PCDHGA5: variants seen among roughly 807,000 people sequenced by gnomAD.
The protein encoded by PCDHGA5 is protocadherin gamma subfamily A, 5, also known as protocadherin gamma-A5.
In PCDHGA5, 36 loss-of-function variants were observed where a neutral mutation model predicts 56.7. The observed-to-expected ratio is 0.64, with a 90% CI of 0.49 to 0.84. PCDHGA5 has a LOEUF of 0.84. Ranked by LOEUF, PCDHGA5 falls within the 40% of genes least tolerant of loss-of-function variation. PCDHGA5 has a pLI of 0.00. For missense variants in PCDHGA5, 1,305 were observed against 1,201.5 expected (o/e 1.09, Z -1.27); for synonymous variants, 563 against 520.2 (o/e 1.08, Z -1.12).
chr5:141,474,993 C>A (rs1313232385), intron 1 of PCDHGA5, among the ~76,000 whole-genome samples: 24 of 152,324 alleles, frequency 1.6e-4, no homozygotes. Context: ...GACAACAATT[C>A]TAAATGCAGA....
chr5:141,427,361 A>ACC (rs781206288), intron 1 of PCDHGA5: 1 of 457,772 alleles, frequency 2.2e-6, no homozygotes, highest in South Asian at 1.5e-5. Context: ...AGGACGCAGA[A>ACC]CCCTGGACGG....
chr5:141,395,016 G>A (rs772379480), intron 1 of PCDHGA5: 2 of 1,614,068 alleles, frequency 1.2e-6, no homozygotes, highest in Non-Finnish European at 1.7e-6. Flanking sequence ...ATTGGTAGGC[G>A]TGCCTGCCTC....
At position 141,365,365 on chromosome 5, in the gene PCDHGA5, C is replaced by A. The variant is rs761258930; in HGVS notation, c.1035C>A (p.Pro345=). The part of the protein sequence containing the change: ...VTVQDVNDNA[P]EVILTSLTSS... Reference sequence around the variant, plus strand: ...TACAGGACGTGAATGACAATGCCCCCGAAGTGATCCTCACCTCTCTGACCA... The same window carrying A: ...TACAGGACGTGAATGACAATGCCCCAGAAGTGATCCTCACCTCTCTGACCA... Residue 345 remains proline, a synonymous_variant, in exon 1 of 4, where the codon CCC becomes CCA. Coordinates refer to ENST00000518069, the MANE Select transcript of PCDHGA5 (RefSeq NM_018918.3). 6.2e-7 allele frequency: 1 copy of A among 1,613,928 alleles called. No individual in the cohort carries two copies.
chr5:141,438,638 A>G (rs1192725978), intron 1 of PCDHGA5, among the ~76,000 whole-genome samples: 1 of 22,806 alleles, frequency 4.4e-5, no homozygotes, highest in East Asian at 1.6e-3. Flanking sequence ...ATATATATAC[A>G]CACACACACA....
chr5:141,431,547 T>TA lies in PCDHGA5; in HGVS notation c.2422-63259dup. On this transcript the variant is annotated intron_variant, in intron 1 of 3. Transcript: ENST00000518069. The surrounding 1 kb of genome is among the most constrained non-coding windows in gnomAD (Gnocchi z 4.8). ...CTGGCCTTGGGCACGCAGCTGCTTG[T>TA]AGTCAACGCTACCGACCCTGACGAA... 6.2e-7 allele frequency: 1 copy of TA among 1,614,096 alleles called. No individual in the cohort carries two copies. The highest frequency in any genetic ancestry group is 8.5e-7 in the Non-Finnish European group (1 of 1,180,022).
Position 141,412,876 on chromosome 5 carries a change from A to G in PCDHGA5, c.2421+46125A>G, listed in dbSNP as rs1206092699. 12 of 281,096 alleles carry G rather than the reference A, an allele frequency of 4.3e-5. No homozygotes were observed. The East Asian group carries it at 7.9e-4, about 19-fold the overall frequency. The allele number at this position is 281,096 out of a possible 1,614,324, so 17.4% of individuals were successfully genotyped here. A position where few individuals can be genotyped will look rare whatever the true frequency, so the allele number is the denominator to read the frequency against. On this transcript the variant is annotated intron_variant, in intron 1 of 3. Coordinates refer to ENST00000518069, the MANE Select transcript of PCDHGA5 (RefSeq NM_018918.3). ...CAAAGAATCTATGTAAAATATAATAATCCAACAGAATAGTTTACTTTCCAT... is the reference window on the plus strand; with the variant it reads ...CAAAGAATCTATGTAAAATATAATAGTCCAACAGAATAGTTTACTTTCCAT...
chr5:141,414,942 C>T, intron 1 of PCDHGA5: 3 of 1,614,126 alleles, frequency 1.9e-6, no homozygotes, highest in Non-Finnish European at 1.7e-6. Context: ...CAGAGCCCGG[C>T]TACCTGGTGA....
In PCDHGA5 at chr5:141,486,444, T is replaced by C. The variant is rs769032995; in HGVS notation, c.2422-8363T>C. 2 of 1,614,086 alleles carry C rather than the reference T, an allele frequency of 1.2e-6. No individual in the cohort carries two copies. On this transcript the variant is annotated intron_variant, in intron 1 of 3. Transcript: ENST00000518069. This position sits in a 1 kb window ranked among gnomAD's most constrained non-coding sequence, Gnocchi z 5.0. ...GAGGCCAAATCTAGCTATGACATCA[T>C]GGTCACTGCTTCTGATGCTGGGAAC...
intron 1 of PCDHGA5, chr5:141,471,252 T>A (rs1003162914): frequency 6.6e-6 from 1 of 151,872 alleles, no homozygotes; most frequent in Admixed American, 6.6e-5. Flanking sequence ...GGTTTCACCA[T>A]GTTGGCAAGG....
intron 1 of PCDHGA5, chr5:141,420,067 A>C (rs2096463342): frequency 6.2e-7 from 1 of 1,614,034 alleles, no homozygotes; most frequent in Non-Finnish European, 8.5e-7. Flanking sequence ...CCAAGTCCGG[A>C]CCTGTGGGTC....
In PCDHGA5 at chr5:141,494,832, G is replaced by A. The variant is rs758427900; in HGVS notation, c.2447G>A (p.Arg816His). The A allele has an allele frequency of 1.2e-6, 2 of 1,614,066 alleles. No homozygotes were observed. Among genetic ancestry groups the A allele is most frequent in the Non-Finnish European group, 1.7e-6 (2 of 1,179,994 alleles). The change falls in exon 2 of 4, where the codon CGT (arginine) becomes CAT (histidine). Residue 816 changes from arginine (R) to histidine (H), a missense_variant. Transcript: ENST00000518069. ...CAAGCCCCGCCCAACACGGACTGGC[G>A]TTTCTCTCAGGCCCAGAGACCCGGC... ...VQQAPPNTDW[R>H]FSQAQRPGTS...
intron 1 of PCDHGA5, chr5:141,384,324 T>C (rs373247436): frequency 6.2e-7 from 1 of 1,613,862 alleles, no homozygotes; most frequent in Non-Finnish European, 8.5e-7. Flanking sequence ...TCTTAGTGAC[T>C]GCACAGGACC....
chr5:141,374,627 G>A (rs955993144), intron 1 of PCDHGA5: 2 of 1,613,064 alleles, frequency 1.2e-6, no homozygotes, highest in African/African-American at 1.3e-5. Flanking sequence ...CTCAGTGGAC[G>A]TGCAAAGCGA....
At chr5:141,450,509 G>A (rs2098683055) in intron 1 of PCDHGA5, among the ~76,000 whole-genome samples, 1 of 151,878 alleles carries the variant, frequency 6.6e-6, no homozygotes, top group African/African-American at 2.4e-5. Flanking sequence ...GTTTTGAGAT[G>A]GAGTCTCATT....
In PCDHGA5 at chr5:141,482,326, GAAT is replaced by G. The variant is rs1344469521; in HGVS notation, c.2422-12479_2422-12477del. Among the ~76,000 whole-genome samples, 3 of 152,072 alleles carry G rather than the reference GAAT, an allele frequency of 2.0e-5. No homozygotes were observed. The East Asian group carries it at 5.8e-4, about 29-fold the overall frequency. ...AGTTTCCTCATCTATAAAATAAAGAGAATATCTACTTTGCAAACTTGTTGTGAG... is the reference window on the plus strand; with the variant it reads ...AGTTTCCTCATCTATAAAATAAAGAGATCTACTTTGCAAACTTGTTGTGAG... On this transcript the variant is annotated intron_variant, in intron 1 of 3. Transcript: ENST00000518069.
chr5:141,449,681 G>A (rs2098651836), intron 1 of PCDHGA5, among the ~76,000 whole-genome samples: 1 of 149,394 alleles, frequency 6.7e-6, no homozygotes, highest in Non-Finnish European at 1.5e-5. Context: ...ATGTATATAT[G>A]TTTGTGTGTA....
chr5:141,448,323 A>G (rs2098582223), intron 1 of PCDHGA5, among the ~76,000 whole-genome samples: 1 of 152,080 alleles, frequency 6.6e-6, no homozygotes, highest in Non-Finnish European at 1.5e-5. Flanking sequence ...TTTTCTTTGA[A>G]TCTTTATAGC....
chr5:141,414,243 A>G (rs2154544977), intron 1 of PCDHGA5: 1 of 1,613,556 alleles, frequency 6.2e-7, no homozygotes. Context: ...TCACGTCTCT[A>G]TTTAGTCCAG....
rs962326553 is a variant in PCDHGA5 at position 141,387,971 on chromosome 5, C to T, written c.2421+21220C>T. 1.0e-5 allele frequency: 15 copies of T among 1,489,894 alleles called. 1 individual carries two copies. Among genetic ancestry groups the T allele is most frequent in the Non-Finnish European group, 1.3e-5 (14 of 1,108,812 alleles). The allele number at this position is 1,489,894 out of a possible 1,614,324, so 92.3% of individuals were successfully genotyped here. ...TGCTGTCTTTGTTCTGCCCGGCGCT[C>T]TGTGAGCAGATCCGCTACAGGATTC... On this transcript the variant is annotated intron_variant, in intron 1 of 3. Transcript: ENST00000518069.
Sources: allele counts gnomAD v4.1 joint callset (sites outside exome capture counted in the v4.1 genomes callset), GRCh38; gene constraint gnomAD v4.1.1; non-coding constraint Gnocchi (gnomAD v3.1); transcripts MANE v1.5; gene names NCBI Gene and HGNC (gene_info 2026-07-23, HGNC 2026-07-21).